The following COL5A2 variants were observed in gnomAD, a reference collection of about 807,000 sequenced individuals.
COL5A2 encodes the protein collagen alpha-2(V) chain.
A neutral mutation model predicts 208.2 loss-of-function variants in COL5A2; 23 were observed. That is an observed-to-expected ratio of 0.11 (90% CI 0.08 to 0.16). The LOEUF (loss-of-function observed/expected upper bound fraction) is 0.16, where lower values mean the gene tolerates loss of function less well. COL5A2 is among the 10% of genes least tolerant of loss of function. The pLI, the probability that COL5A2 is intolerant of heterozygous loss-of-function variation, is 1.00. For synonymous variants in COL5A2, 625 were observed against 628.5 expected, an observed-to-expected ratio of 0.99 and a Z score of 0.08; for missense variants, 1,590 against 1,956.4, an observed-to-expected ratio of 0.81 and a Z score of 3.53.
At chr2:189,195,818 G>A (rs573368624) in intron 1 of COL5A2, among the ~76,000 whole-genome samples, 5 of 151,902 alleles carry the variant, frequency 3.3e-5, no homozygotes, top group Non-Finnish European at 5.9e-5. Context: ...ATTAACTCTC[G>A]ATAGATTAAA....
the COL5A2 span, among the ~76,000 whole-genome samples, chr2:189,417,694 T>C: frequency 3.9e-5 from 6 of 152,106 alleles, no homozygotes; most frequent in Admixed American, 1.3e-4. Flanking sequence ...TATGAGATAT[T>C]TGTCTTTCTT....
At chr2:189,331,688 T>C in the COL5A2 span, among the ~76,000 whole-genome samples, 1 of 152,302 alleles carries the variant, frequency 6.6e-6, no homozygotes, top group South Asian at 2.1e-4. Flanking sequence ...TTCCTGTATA[T>C]GTCTTTATCA....
chr2:189,341,727 C>T, the COL5A2 span, among the ~76,000 whole-genome samples: 2 of 152,098 alleles, frequency 1.3e-5, no homozygotes, highest in Admixed American at 1.3e-4. Flanking sequence ...TTGTTTTCAA[C>T]TACACACACT....
At chr2:189,173,119 C>A (rs1435796834) in intron 1 of COL5A2, among the ~76,000 whole-genome samples, 1 of 151,608 alleles carries the variant, frequency 6.6e-6, no homozygotes, top group East Asian at 1.9e-4. Context: ...TACAAGTGCC[C>A]ACCACCATAC....
the COL5A2 span, among the ~76,000 whole-genome samples, chr2:189,243,602 T>A: frequency 6.6e-6 from 1 of 152,052 alleles, no homozygotes; most frequent in Non-Finnish European, 1.5e-5. Flanking sequence ...AAGATGAGAT[T>A]TGGGTGGGGA....
chr2:189,426,531 G>A, the COL5A2 span, among the ~76,000 whole-genome samples: 1 of 152,142 alleles, frequency 6.6e-6, no homozygotes, highest in South Asian at 2.1e-4. Context: ...GATGTCTCAT[G>A]TCTCCATAAA....
intron 26 of COL5A2, 78 bp from the exon 27 acceptor site, chr2:189,063,348 C>G: frequency 8.7e-7 from 1 of 1,147,322 alleles, no homozygotes; most frequent in Non-Finnish European, 1.3e-6. Flanking sequence ...GTCACCTTTG[C>G]TTACTATCAT....
the COL5A2 span, among the ~76,000 whole-genome samples, chr2:189,330,842 A>G: frequency 6.6e-6 from 1 of 152,318 alleles, no homozygotes; most frequent in South Asian, 2.1e-4. Flanking sequence ...CTTGAAGAAA[A>G]TAATACCTTC....
At chr2:189,147,898 G>C (rs1688070500) in intron 1 of COL5A2, among the ~76,000 whole-genome samples, 1 of 151,970 alleles carries the variant, frequency 6.6e-6, no homozygotes, top group Non-Finnish European at 1.5e-5. Flanking sequence ...GATGGTCCCG[G>C]GACTCTACCA....
chr2:189,247,585 T>C, the COL5A2 span, among the ~76,000 whole-genome samples: 3 of 123,430 alleles, frequency 2.4e-5, no homozygotes, highest in Non-Finnish European at 4.8e-5. Context: ...AAAAATTTCT[T>C]TTTTTTTTTT....
At chr2:189,204,313 CCATTCCATTCATCA>C (rs1164673772) in intron 1 of COL5A2, among the ~76,000 whole-genome samples, 1 of 152,224 alleles carries the variant, frequency 6.6e-6, no homozygotes, top group Non-Finnish European at 1.5e-5. Flanking sequence ...AAGAGAAGCA[CCATTCCATTCATCA>C]AGCAGGGCTT....
chr2:189,212,928 G>A (rs1289690848), intron 1 of COL5A2, among the ~76,000 whole-genome samples: 1 of 151,204 alleles, frequency 6.6e-6, no homozygotes, highest in Non-Finnish European at 1.5e-5. Context: ...CGCTGCTGTT[G>A]CTCAGGCTGG....
the COL5A2 span, among the ~76,000 whole-genome samples, chr2:189,375,205 G>C: frequency 6.6e-6 from 1 of 151,914 alleles, no homozygotes; most frequent in African/African-American, 2.4e-5. Flanking sequence ...TTTTAGTAGA[G>C]ATGGGGTTTC....
At chr2:189,429,047 T>C in the COL5A2 span, among the ~76,000 whole-genome samples, 3 of 152,166 alleles carry the variant, frequency 2.0e-5, no homozygotes, top group African/African-American at 4.8e-5. Flanking sequence ...TTGTACAGCA[T>C]AGGGACCATA....
At chr2:189,251,371 C>G in the COL5A2 span, among the ~76,000 whole-genome samples, 1 of 152,014 alleles carries the variant, frequency 6.6e-6, no homozygotes, top group East Asian at 1.9e-4. Flanking sequence ...AATAAAACAC[C>G]TACTGTGTTC....
chr2:189,085,179 G>A lies in COL5A2; in HGVS notation c.779C>T (p.Pro260Leu). The A allele has an allele frequency of 6.2e-7, 1 of 1,612,282 alleles. No homozygotes were observed. Among genetic ancestry groups the A allele is most frequent in the Non-Finnish European group, 8.5e-7 (1 of 1,178,982 alleles). Residue 260 changes from proline to leucine, a missense_variant, in exon 11 of 54, where the codon CCT becomes CTT. Physicochemically the swap from Pro to Leu is moderately conservative, Grantham distance 98. Coordinates refer to ENST00000374866, the MANE Select transcript of COL5A2 (RefSeq NM_000393.5). ...GCTTACATCTTCCCCAGGTTTACCA[G>A]GAGGGCCCTCTGGTCCACGTGAACC... The part of the protein sequence containing the change: ...PIGSRGPEGP[P>L]GKPGEDGEPG...
rs1304113332 is a variant in COL5A2 at position 189,110,293 on chromosome 2, G to C, written c.254C>G (p.Pro85Arg). The C allele has an allele frequency of 1.2e-6, 2 of 1,614,106 alleles. No homozygotes were observed. The highest frequency in any genetic ancestry group is 1.7e-6 in the Non-Finnish European group (2 of 1,180,012). ...ACAGCATTCCCCAGGGGGCGTTACA[G>C]GGTCGGCACAGTCCAGCACATCCTG... is the stretch of plus-strand genomic sequence containing the variant. Reference protein sequence around the residue: ...ECQDVLDCADPVTPPGECCPV... With the variant: ...ECQDVLDCADRVTPPGECCPV... The change falls in exon 2 of 54, where the codon CCT becomes CGT. Residue 85 changes from proline (P) to arginine (R), a missense_variant. By Grantham distance (103) the Pro-to-Arg change is moderately radical (BLOSUM62 -2). Transcript: ENST00000374866.
At chr2:189,252,095 G>T in the COL5A2 span, among the ~76,000 whole-genome samples, 4 of 152,212 alleles carry the variant, frequency 2.6e-5, no homozygotes, top group South Asian at 2.1e-4. Context: ...TGGTGATCAT[G>T]AAAAAGTCAG....
the COL5A2 span, among the ~76,000 whole-genome samples, chr2:189,418,814 T>G: frequency 6.6e-6 from 1 of 152,158 alleles, no homozygotes; most frequent in Non-Finnish European, 1.5e-5. Context: ...CAGTCCCTCT[T>G]TAATTCTAAG....
Sources: gnomAD v4.1 joint callset for allele counts (sites outside exome capture counted in the v4.1 genomes callset) on GRCh38, gnomAD v4.1.1 for gene constraint, MANE v1.5 for transcripts, NCBI Gene and HGNC (gene_info 2026-07-23, HGNC 2026-07-21) for gene names.